The following COL4A1 variants were observed in gnomAD, a reference collection of about 807,000 sequenced individuals.
COL4A1 encodes collagen alpha-1(IV) chain.
Under a neutral mutation model 216.6 loss-of-function variants are expected in COL4A1, and 40 were observed. The observed-to-expected ratio is 0.18, with a 90% CI of 0.14 to 0.24. The LOEUF is 0.24. COL4A1 is among the 10% of genes least tolerant of loss of function. COL4A1 has a pLI of 1.00. For missense variants in COL4A1, 1,628 were observed against 2,196.8 expected (o/e 0.74, Z 5.18); for synonymous variants, 839 against 810.7 (o/e 1.03, Z -0.59).
At chr13:110,296,423 A>G (rs2139317960) in intron 1 of COL4A1, among the ~76,000 whole-genome samples, 1 of 152,378 alleles carries the variant, frequency 6.6e-6, no homozygotes. Flanking sequence ...TAGTAAAAGA[A>G]AGATACTTCA....
chr13:110,219,932 A>G lies in COL4A1; in HGVS notation c.145-5917T>C, dbSNP rs555278594. Among the ~76,000 whole-genome samples, 84 of 112,236 alleles carry G rather than the reference A, an allele frequency of 7.5e-4. 1 individual carries two copies. Among genetic ancestry groups the G allele is most frequent in the African/African-American group, 2.7e-3 (77 of 28,614 alleles). The allele number at this position is 112,236 out of a possible 152,430, so 73.6% of individuals were successfully genotyped here. On this transcript the variant is annotated intron_variant, in intron 2 of 51. Coordinates refer to ENST00000375820, the MANE Select transcript of COL4A1 (RefSeq NM_001845.6). ...TATATGTGTGTATATATATGTATGT[A>G]TATGTGTGTGTATATATACACATAC...
chr13:110,164,819 T>C, intron 46 of COL4A1, 43 bp downstream of exon 46: 1 of 1,608,510 alleles, frequency 6.2e-7, no homozygotes, highest in African/African-American at 1.3e-5. Flanking sequence ...CCACTGCCCC[T>C]CTGGGCTCCC....
intron 33 of COL4A1, 126 bp downstream of exon 33, chr13:110,177,716 T>C (rs960893502): frequency 4.2e-6 from 4 of 955,014 alleles, no homozygotes; most frequent in Admixed American, 3.9e-5. Context: ...AGCCTTCTGC[T>C]TGATGTTCCT....
At chr13:110,266,700 C>G (rs757221515) in intron 1 of COL4A1, among the ~76,000 whole-genome samples, 2 of 152,138 alleles carry the variant, frequency 1.3e-5, no homozygotes, top group Admixed American at 6.5e-5. Context: ...ATCATGCTTA[C>G]GTAAAAGAAA....
At chr13:110,218,378 T>G (rs1880197577) in intron 2 of COL4A1, among the ~76,000 whole-genome samples, 1 of 152,136 alleles carries the variant, frequency 6.6e-6, no homozygotes, top group Non-Finnish European at 1.5e-5. Context: ...TGAGTACGGG[T>G]ACCGGGTTTG....
At chr13:110,156,851 T>C (rs780004769) in intron 49 of COL4A1, among the ~76,000 whole-genome samples, 1 of 152,214 alleles carries the variant, frequency 6.6e-6, no homozygotes, top group Non-Finnish European at 1.5e-5. Context: ...GTCATTTGAT[T>C]TTCCATGGAC....
At position 110,189,291 on chromosome 13, in the gene COL4A1, G is replaced by A. The variant is rs9588110; in HGVS notation, c.1537-1962C>T. On this transcript the variant is annotated intron_variant, in intron 24 of 51. Transcript: ENST00000375820. ...TTGGTCAGGCCGGTCTCGAACTCCC[G>A]ACCTCAGGTGATCCGCCCGCCTCGG... Among the ~76,000 whole-genome samples, 1,394 of 152,288 alleles carry A rather than the reference G, an allele frequency of 9.2e-3. 22 individuals carry two copies. Among genetic ancestry groups the A allele is most frequent in the African/African-American group, 0.031 (1,281 of 41,558 alleles).
Position 110,276,326 on chromosome 13 carries a change from T to C in COL4A1, c.84+30618A>G, listed in dbSNP as rs755408065. ...GTAAAACATCTGCATAATTGTTTTA[T>C]TGTTGACTCAAATATTTTGTCATTT... On this transcript the variant is annotated intron_variant, in intron 1 of 51. Transcript: ENST00000375820. Among the ~76,000 whole-genome samples the C allele has an allele frequency of 4.6e-5, 7 of 152,230 alleles. No individual in the cohort carries two copies. In the South Asian group the frequency reaches 6.2e-4, roughly 13 times the overall value.
chr13:110,304,175 G>C (rs1884599630), intron 1 of COL4A1, among the ~76,000 whole-genome samples: 1 of 152,136 alleles, frequency 6.6e-6, no homozygotes, highest in Non-Finnish European at 1.5e-5. Context: ...GCAGATATAA[G>C]GAATAGCTTC....
At position 110,211,538 on chromosome 13, in the gene COL4A1, G is replaced by T; in HGVS notation, c.468+109C>A. 1 of 1,066,020 alleles carries T rather than the reference G, an allele frequency of 9.4e-7. No homozygotes were observed. The highest frequency in any genetic ancestry group is 1.4e-6 in the Non-Finnish European group (1 of 721,602). 66.0% of individuals were successfully genotyped at this position (1,066,020 alleles called of 1,614,324 possible). The stretch of plus-strand genomic sequence containing the variant: ...AACAGAGTTTAGGGAAGTGTGTTCA[G>T]AAACAATCGATCAGCCAAAGTGGTT... On this transcript the variant is annotated intron_variant, in intron 8 of 51. Coordinates refer to ENST00000375820, the MANE Select transcript of COL4A1 (RefSeq NM_001845.6). The surrounding 1 kb of genome is among the most constrained non-coding windows in gnomAD (Gnocchi z 4.3).
Position 110,155,520 on chromosome 13 carries a change from A to G in COL4A1, c.4641-123T>C, listed in dbSNP as rs560074511. On this transcript the variant is annotated intron_variant, in intron 49 of 51. Coordinates refer to ENST00000375820, the MANE Select transcript of COL4A1 (RefSeq NM_001845.6). ...GTCTTTCTGGTCCAATTACATATTAAGTAGAAAACATTGTGCCCATTGCTT... is the reference window on the plus strand; with the variant it reads ...GTCTTTCTGGTCCAATTACATATTAGGTAGAAAACATTGTGCCCATTGCTT... The G allele has an allele frequency of 8.2e-5, 60 of 734,660 alleles. No individual in the cohort carries two copies. In the Admixed American group the frequency reaches 9.6e-4, roughly 12 times the overall value. 45.5% of individuals were successfully genotyped at this position (734,660 alleles called of 1,614,324 possible).
intron 29 of COL4A1, among the ~76,000 whole-genome samples, chr13:110,180,282 G>A (rs1395347695): frequency 1.3e-5 from 2 of 152,222 alleles, no homozygotes; most frequent in African/African-American, 4.8e-5. Context: ...GCAAGTTGCC[G>A]CGGTTGACTA....
chr13:110,187,171 G>T lies in COL4A1; in HGVS notation c.1695C>A (p.Gly565=), dbSNP rs1437599316. The change falls in exon 25 of 52, where the codon GGC becomes GGA. Residue 565 remains glycine (G), a synonymous_variant. Transcript: ENST00000375820. ...CCTTGGGGCCAGGAAGACCCGGATG[G>T]CCATCTCTTCCAGGAGAACCCGCTC... is the stretch of plus-strand genomic sequence containing the variant. ...PGRAGSPGRD[G]HPGLPGPKGS... is the part of the protein sequence containing the mutation. The T allele has an allele frequency of 6.2e-7, 1 of 1,613,978 alleles. No homozygotes were observed. The highest frequency in any genetic ancestry group is 8.5e-7 in the Non-Finnish European group (1 of 1,179,920).
chr13:110,192,107 C>A, intron 24 of COL4A1, 107 bp downstream of exon 24: 1 of 1,156,776 alleles, frequency 8.6e-7, no homozygotes, highest in South Asian at 1.3e-5. Flanking sequence ...CTTACCAGCT[C>A]CCACACAAGG....
intron 1 of COL4A1, among the ~76,000 whole-genome samples, chr13:110,250,140 T>C (rs1882006966): frequency 1.3e-5 from 2 of 151,740 alleles, no homozygotes; most frequent in Admixed American, 6.6e-5. Context: ...TCCCTACTAC[T>C]GTTTAGAGTT....
rs768381482 is a variant in COL4A1, at chr13:110,170,698, G to A, written c.3591C>T (p.Ala1197=). The A allele has an allele frequency of 2.7e-5, 44 of 1,614,072 alleles. No individual in the cohort carries two copies. Among genetic ancestry groups the A allele is most frequent in the Admixed American group, 8.3e-5 (5 of 60,012 alleles). Residue 1197 remains alanine, a synonymous_variant, in exon 42 of 52, where the codon GCC becomes GCT. Transcript: ENST00000375820. The part of the protein sequence containing the change: ...SKGEVGFPGL[A]GSPGIPGSKG... ...TGGATCCAGGAATTCCTGGGCTCCC[G>A]GCTAATCCTGGGAAACCCACCTCAC...
At chr13:110,235,080 T>C (rs1224813791) in intron 2 of COL4A1, among the ~76,000 whole-genome samples, 1 of 152,256 alleles carries the variant, frequency 6.6e-6, no homozygotes, top group Admixed American at 6.5e-5. Flanking sequence ...TCTTTTTAAA[T>C]AGACTAGATT....
intron 49 of COL4A1, among the ~76,000 whole-genome samples, chr13:110,155,887 G>C (rs1397287027): frequency 6.6e-6 from 1 of 152,130 alleles, no homozygotes; most frequent in East Asian, 1.9e-4. Context: ...ACTCCAGCCT[G>C]GGCAACAAGA....
chr13:110,236,422 G>GT (rs1881320210), intron 2 of COL4A1, among the ~76,000 whole-genome samples: 1 of 152,180 alleles, frequency 6.6e-6, no homozygotes, highest in Non-Finnish European at 1.5e-5. Flanking sequence ...GCCCAGCAAA[G>GT]TAACAACTGA....
Sources: allele counts gnomAD v4.1 joint callset (sites outside exome capture counted in the v4.1 genomes callset), GRCh38; gene constraint gnomAD v4.1.1; non-coding constraint Gnocchi (gnomAD v3.1); transcripts MANE v1.5; gene names NCBI Gene and HGNC (gene_info 2026-07-23, HGNC 2026-07-21).